PCDHGA9: variants seen among roughly 807,000 people sequenced by gnomAD.
The protein encoded by PCDHGA9 is protocadherin gamma subfamily A, 9, also known as protocadherin gamma-A9.
PCDHGA9 carries 37 observed loss-of-function variants against 62.5 expected under a neutral mutation model. That is an observed-to-expected ratio of 0.59 (90% CI 0.46 to 0.78). PCDHGA9 has a LOEUF of 0.78. PCDHGA9 is among the 30% of genes least tolerant of loss of function. The probability of loss-of-function intolerance (pLI) is 0.00; values close to 1 mark genes in which losing one functional copy is unlikely to be tolerated. For missense variants in PCDHGA9, 1,138 were observed against 1,166.2 expected, an observed-to-expected ratio of 0.98 and a Z score of 0.35; for synonymous variants, 459 against 484.6, an observed-to-expected ratio of 0.95 and a Z score of 0.69.
chr5:141,412,131 G>A (rs2095537626), intron 1 of PCDHGA9: 1 of 152,156 alleles, frequency 6.6e-6, no homozygotes, highest in Non-Finnish European at 1.5e-5. Flanking sequence ...CTGGACTTTG[G>A]CCTCTGATAC....
chr5:141,454,489 C>T (rs1450435753), intron 1 of PCDHGA9, among the ~76,000 whole-genome samples: 1 of 152,222 alleles, frequency 6.6e-6, no homozygotes, highest in African/African-American at 2.4e-5. Flanking sequence ...TCACCGCAAC[C>T]TCCACCTCCT....
intron 1 of PCDHGA9, among the ~76,000 whole-genome samples, chr5:141,480,768 A>G (rs1371582817): frequency 6.6e-6 from 1 of 152,162 alleles, no homozygotes; most frequent in African/African-American, 2.4e-5. Flanking sequence ...TCCCCACTTG[A>G]TCCTAATGTG....
At position 141,489,062 on chromosome 5, in the gene PCDHGA9, C is replaced by G. The variant is rs1466124551; in HGVS notation, c.2425-5745C>G. Reference sequence around the variant, plus strand: ...GCTCCACTCAAATTCAGCTCCCCTCCCCCCTGCCCACCCCCGCCACTCGGT... The same window carrying G: ...GCTCCACTCAAATTCAGCTCCCCTCGCCCCTGCCCACCCCCGCCACTCGGT... On this transcript the variant is annotated intron_variant, in intron 1 of 3. Transcript: ENST00000573521. This position sits in a 1 kb window ranked among gnomAD's most constrained non-coding sequence, Gnocchi z 4.5. 5.3e-6 allele frequency: 2 copies of G among 378,914 alleles called. No homozygotes were observed. Among genetic ancestry groups the G allele is most frequent in the Non-Finnish European group, 9.5e-6 (2 of 209,830 alleles). 23.5% of individuals were successfully genotyped at this position (378,914 alleles called of 1,614,324 possible).
chr5:141,445,305 T>C (rs899306819), intron 1 of PCDHGA9, among the ~76,000 whole-genome samples: 2 of 152,204 alleles, frequency 1.3e-5, no homozygotes, highest in Non-Finnish European at 1.5e-5. Context: ...TCTCTTCAGT[T>C]TGTAGGTTGA....
chr5:141,511,403 A>C lies in PCDHGA9; in HGVS notation c.*230A>C. On this transcript the variant is annotated 3_prime_UTR_variant, in exon 4 of 4. Coordinates refer to ENST00000573521, the MANE Select transcript of PCDHGA9 (RefSeq NM_018921.3). Reference sequence around the variant, plus strand: ...TCCGCTGGGAACCCCCATCCAATCAACTGCTGTACCCATGGGGGTAGTGGG... The same window carrying C: ...TCCGCTGGGAACCCCCATCCAATCACCTGCTGTACCCATGGGGGTAGTGGG... 8.5e-6 allele frequency: 8 copies of C among 939,018 alleles called. No individual in the cohort carries two copies. The highest frequency in any genetic ancestry group is 1.2e-5 in the Non-Finnish European group (8 of 650,834). The allele number at this position is 939,018 out of a possible 1,614,324, so 58.2% of individuals were successfully genotyped here. A position where few individuals can be genotyped will look rare whatever the true frequency, so the allele number is the denominator to read the frequency against.
At chr5:141,425,429 A>G in intron 1 of PCDHGA9, among the ~76,000 whole-genome samples, 1 of 152,254 alleles carries the variant, frequency 6.6e-6, no homozygotes, top group East Asian at 1.9e-4. Flanking sequence ...CCCATTAAAT[A>G]GAGGATAAAA....
chr5:141,433,209 T>A, intron 1 of PCDHGA9: 3 of 465,024 alleles, frequency 6.5e-6, no homozygotes, highest in South Asian at 1.0e-4. Context: ...ATCTTCTTTC[T>A]TTTTTTTTTT....
chr5:141,479,703 C>T (rs1219257838), intron 1 of PCDHGA9: 1 of 152,182 alleles, frequency 6.6e-6, no homozygotes, highest in African/African-American at 2.4e-5. Context: ...AGTGTTAGTC[C>T]CTGTCCTTCC....
In PCDHGA9 at chr5:141,485,944, G is replaced by A; in HGVS notation, c.2425-8863G>A. 1.2e-6 allele frequency: 2 copies of A among 1,614,116 alleles called. No homozygotes were observed. The highest frequency in any genetic ancestry group is 1.7e-6 in the Non-Finnish European group (2 of 1,180,020). ...TTAGTGTGTTGGAGAGCGCACCAGC[G>A]GGCATGGTGCTCATCCAGCTCAATG... On this transcript the variant is annotated intron_variant, in intron 1 of 3. Coordinates refer to ENST00000573521, the MANE Select transcript of PCDHGA9 (RefSeq NM_018921.3). This position sits in a 1 kb window ranked among gnomAD's most constrained non-coding sequence, Gnocchi z 5.7.
At chr5:141,450,211 T>TTTCA (rs1038674129) in intron 1 of PCDHGA9, among the ~76,000 whole-genome samples, 23 of 152,166 alleles carry the variant, frequency 1.5e-4, no homozygotes, top group African/African-American at 4.3e-4. Flanking sequence ...AGAGACAAGG[T>TTTCA]TTCACTATGT....
intron 1 of PCDHGA9, among the ~76,000 whole-genome samples, chr5:141,468,198 G>A (rs992118435): frequency 9.2e-5 from 14 of 151,854 alleles, no homozygotes; most frequent in Admixed American, 7.2e-4. Context: ...GGTGGCGGGT[G>A]CCTGTAATTC....
In PCDHGA9 at chr5:141,485,539, G is replaced by T; in HGVS notation, c.2425-9268G>T. 6.2e-7 allele frequency: 1 copy of T among 1,614,104 alleles called. No individual in the cohort carries two copies. Among genetic ancestry groups the T allele is most frequent in the Non-Finnish European group, 8.5e-7 (1 of 1,179,998 alleles). On this transcript the variant is annotated intron_variant, in intron 1 of 3. Coordinates refer to ENST00000573521, the MANE Select transcript of PCDHGA9 (RefSeq NM_018921.3). This position sits in a 1 kb window ranked among gnomAD's most constrained non-coding sequence, Gnocchi z 5.7. ...TGGAAATGTACCGAGCAGAGGTAGA[G>T]ATCGTAGATGTGAATGATCACGCCC...
Position 141,489,375 on chromosome 5 carries a change from G to C in PCDHGA9, c.2425-5432G>C. On this transcript the variant is annotated intron_variant, in intron 1 of 3. Coordinates refer to ENST00000573521, the MANE Select transcript of PCDHGA9 (RefSeq NM_018921.3). The surrounding 1 kb of genome is among the most constrained non-coding windows in gnomAD (Gnocchi z 4.5). ...AGGAGTCTGAGCCGGGGACGCTGGT[G>C]GGGAATGTTGCTCAGGATCTGGGCT... 1 of 1,613,826 alleles carries C rather than the reference G, an allele frequency of 6.2e-7. No homozygotes were observed.
chr5:141,453,144 C>T lies in PCDHGA9; in HGVS notation c.2425-41663C>T, dbSNP rs530175947. ...TTGTTTTGTTTTTGAGATAGGGTCT[C>T]GCTATGTCACCCAGGCTGGAGTCCA... On this transcript the variant is annotated intron_variant, in intron 1 of 3. Transcript: ENST00000573521. Among the ~76,000 whole-genome samples, 290 of 152,062 alleles carry T rather than the reference C, an allele frequency of 1.9e-3. 1 individual carries two copies. The highest frequency in any genetic ancestry group is 6.3e-3 in the African/African-American group (260 of 41,478).
chr5:141,470,452 G>A (rs981528762), intron 1 of PCDHGA9, among the ~76,000 whole-genome samples: 1 of 152,130 alleles, frequency 6.6e-6, no homozygotes, highest in Admixed American at 6.5e-5. Flanking sequence ...ATAGCATCTT[G>A]AATAGGATTT....
At chr5:141,429,599 A>G (rs2097227286) in intron 1 of PCDHGA9, among the ~76,000 whole-genome samples, 1 of 152,238 alleles carries the variant, frequency 6.6e-6, no homozygotes, top group Non-Finnish European at 1.5e-5. Flanking sequence ...TAATTCAAGT[A>G]AACTCAATTT....
At position 141,490,221 on chromosome 5, in the gene PCDHGA9, G is replaced by A; in HGVS notation, c.2425-4586G>A. 6.2e-7 allele frequency: 1 copy of A among 1,614,236 alleles called. No individual in the cohort carries two copies. The highest frequency in any genetic ancestry group is 1.1e-5 in the South Asian group (1 of 91,084). ...ATGCAAGAGCCCGTGACCAGGGACAGCCTGCCATGGAGGGCCACTGTGTGA... is the reference window on the plus strand; with the variant it reads ...ATGCAAGAGCCCGTGACCAGGGACAACCTGCCATGGAGGGCCACTGTGTGA... On this transcript the variant is annotated intron_variant, in intron 1 of 3. Transcript: ENST00000573521. The surrounding 1 kb of genome is among the most constrained non-coding windows in gnomAD (Gnocchi z 5.4).
intron 1 of PCDHGA9, among the ~76,000 whole-genome samples, chr5:141,467,421 G>T (rs957302311): frequency 6.6e-6 from 1 of 152,100 alleles, no homozygotes; most frequent in African/African-American, 2.4e-5. Flanking sequence ...CCACACCTAG[G>T]TTATAGAAAC....
chr5:141,486,161 A>G lies in PCDHGA9; in HGVS notation c.2425-8646A>G. 1 of 1,614,216 alleles carries G rather than the reference A, an allele frequency of 6.2e-7. No individual in the cohort carries two copies. The highest frequency in any genetic ancestry group is 8.5e-7 in the Non-Finnish European group (1 of 1,180,038). ...GGCTCGCGATGGGGGTTCTCCAGCC[A>G]TGGAGCAACATTGCAGCCTTCGAGT... On this transcript the variant is annotated intron_variant, in intron 1 of 3. Coordinates refer to ENST00000573521, the MANE Select transcript of PCDHGA9 (RefSeq NM_018921.3). The surrounding 1 kb of genome is among the most constrained non-coding windows in gnomAD (Gnocchi z 5.0).
Sources: gnomAD v4.1 joint callset for allele counts (sites outside exome capture counted in the v4.1 genomes callset) on GRCh38, gnomAD v4.1.1 for gene constraint, Gnocchi (gnomAD v3.1) non-coding constraint, MANE v1.5 for transcripts, NCBI Gene and HGNC (gene_info 2026-07-23, HGNC 2026-07-21) for gene names.